The following CHAF1B variants were observed in gnomAD, a reference collection of about 807,000 sequenced individuals.
CHAF1B encodes the protein chromatin assembly factor 1 subunit B, also known as CAF-1 subunit B.
Under a neutral mutation model 60.7 loss-of-function variants are expected in CHAF1B, and 10 were observed. The observed-to-expected ratio is 0.16, with a 90% CI of 0.10 to 0.28. The LOEUF is 0.28. Ranked by LOEUF, CHAF1B falls within the 10% of genes least tolerant of loss-of-function variation. The probability of loss-of-function intolerance (pLI) is 1.00; values close to 1 mark genes in which losing one functional copy is unlikely to be tolerated. For missense variants in CHAF1B, 558 were observed against 708.4 expected (o/e 0.79, Z 2.41); for synonymous variants, 261 against 266.1 (o/e 0.98, Z 0.19).
At chr21:36,401,276 AT>A (rs1281860095) in intron 7 of CHAF1B, among the ~76,000 whole-genome samples, 47 of 147,122 alleles carry the variant, frequency 3.2e-4, no homozygotes, top group African/African-American at 7.4e-4. Flanking sequence ...TCAAAAAAAA[AT>A]ATGTGTATAT....
At chr21:36,396,355 C>A in intron 5 of CHAF1B, among the ~76,000 whole-genome samples, 3 of 90,534 alleles carry the variant, frequency 3.3e-5, no homozygotes, top group Non-Finnish European at 5.9e-5. Context: ...TCACCAAAAA[C>A]CTCAAAAAAA....
chr21:36,404,365 C>A (rs1255112579), intron 8 of CHAF1B, among the ~76,000 whole-genome samples: 1 of 149,314 alleles, frequency 6.7e-6, no homozygotes, highest in Admixed American at 6.7e-5. Context: ...TCCGAAAGTG[C>A]TGGGATTACA....
At position 36,417,241 on chromosome 21, in the gene CHAF1B, T is replaced by TCACACACACATGCACCCA. The variant is rs1487310591; in HGVS notation, c.*887_*904dup. ...CATGTGCCACCATGCCATGCTAATTTCACACACACATGCACCCACACACAC... is the reference window on the plus strand; with the variant it reads ...CATGTGCCACCATGCCATGCTAATTTCACACACACATGCACCCACACACACACATGCACCCACACACAC... On this transcript the variant is annotated 3_prime_UTR_variant, in exon 14 of 14. Transcript: ENST00000314103. 1.3e-5 allele frequency: 2 copies of TCACACACACATGCACCCA among 151,440 alleles called. No individual in the cohort carries two copies. The highest frequency in any genetic ancestry group is 2.9e-5 in the Non-Finnish European group (2 of 67,944). 9.4% of individuals were successfully genotyped at this position (151,440 alleles called of 1,614,324 possible).
chr21:36,403,316 TGTG>T (rs934072552), intron 8 of CHAF1B, among the ~76,000 whole-genome samples: 13 of 151,572 alleles, frequency 8.6e-5, no homozygotes, highest in African/African-American at 3.1e-4. Context: ...AAATTAATGA[TGTG>T]GTGGCGCATA....
intron 8 of CHAF1B, among the ~76,000 whole-genome samples, chr21:36,404,528 G>A (rs753096715): frequency 9.0e-4 from 134 of 148,340 alleles, no homozygotes; most frequent in Non-Finnish European, 1.8e-3. Flanking sequence ...TCCGCCTCCC[G>A]GGTTCAAGCC....
intron 8 of CHAF1B, among the ~76,000 whole-genome samples, chr21:36,404,214 C>G (rs1284207655): frequency 6.6e-6 from 1 of 150,640 alleles, no homozygotes; most frequent in African/African-American, 2.4e-5. Context: ...GATTCTCCTG[C>G]CTCAGCCTCC....
intron 3 of CHAF1B, 132 bp downstream of exon 3, chr21:36,387,862 A>G: frequency 8.8e-7 from 1 of 1,138,340 alleles, no homozygotes; most frequent in Non-Finnish European, 1.2e-6. Context: ...CTTGTTCCCC[A>G]GGCTGGAGTG....
At position 36,417,573 on chromosome 21, in the gene CHAF1B, G is replaced by C. The variant is rs565340948; in HGVS notation, c.*1207G>C. 1.3e-5 allele frequency: 2 copies of C among 152,148 alleles called. No homozygotes were observed. Among genetic ancestry groups the C allele is most frequent in the African/African-American group, 4.8e-5 (2 of 41,514 alleles). The allele number at this position is 152,148 out of a possible 1,614,324, so 9.4% of individuals were successfully genotyped here. A position where few individuals can be genotyped will look rare whatever the true frequency, so the allele number is the denominator to read the frequency against. ...TCTAACTCCTGACCTCAGATGATCT[G>C]CCTGCCTCGGCCTCCCAAAGTGTTG... On this transcript the variant is annotated 3_prime_UTR_variant, in exon 14 of 14. Transcript: ENST00000314103.
At chr21:36,415,482 G>C (rs2086311007) in intron 13 of CHAF1B, 93 bp downstream of exon 13, 7 of 893,568 alleles carry the variant, frequency 7.8e-6, no homozygotes, top group Non-Finnish European at 1.3e-5. Context: ...TTTTAAGTCA[G>C]TTCTGAGACA....
chr21:36,409,300 CAA>C, intron 9 of CHAF1B, 72 bp from the exon 10 acceptor site: 1 of 1,272,904 alleles, frequency 7.9e-7, no homozygotes. Flanking sequence ...CGCGCCCTGC[CAA>C]AATGTTTACC....
chr21:36,411,344 G>A lies in CHAF1B; in HGVS notation c.920-119G>A. 3 of 1,201,636 alleles carry A rather than the reference G, an allele frequency of 2.5e-6. No individual in the cohort carries two copies. The Admixed American group carries it at 6.3e-5, about 25-fold the overall frequency. The allele number at this position is 1,201,636 out of a possible 1,614,324, so 74.4% of individuals were successfully genotyped here. A position where few individuals can be genotyped will look rare whatever the true frequency, so the allele number is the denominator to read the frequency against. The stretch of plus-strand genomic sequence containing the variant: ...GCTTAGGCAGGTCTCAAACTCCTGA[G>A]CTCAAGTGATCCACCCGGCTCGGCC... On this transcript the variant is annotated intron_variant, in intron 10 of 13. Coordinates refer to ENST00000314103, the MANE Select transcript of CHAF1B (RefSeq NM_005441.3).
At position 36,392,390 on chromosome 21, in the gene CHAF1B, C is replaced by T. The variant is rs547265810; in HGVS notation, c.377+722C>T. On this transcript the variant is annotated intron_variant, in intron 4 of 13. Transcript: ENST00000314103. ...TCCCCACATTTCCCCTTTTTCTATT[C>T]GACAAAACCGCCATCGTCATCATGG... Among the ~76,000 whole-genome samples, 7 of 152,312 alleles carry T rather than the reference C, an allele frequency of 4.6e-5. No individual in the cohort carries two copies. In the East Asian group the frequency reaches 9.7e-4, roughly 21 times the overall value.
At chr21:36,389,312 AG>A (rs749920817) in intron 3 of CHAF1B, among the ~76,000 whole-genome samples, 1 of 152,096 alleles carries the variant, frequency 6.6e-6, no homozygotes, top group Non-Finnish European at 1.5e-5. Context: ...ATATGGAAAA[AG>A]TAAACCAGGC....
chr21:36,394,215 TG>T (rs1286789570), intron 4 of CHAF1B, among the ~76,000 whole-genome samples: 1 of 152,136 alleles, frequency 6.6e-6, no homozygotes, highest in African/African-American at 2.4e-5. Context: ...TAGCTGGGTC[TG>T]CAGGTGTGCA....
At chr21:36,409,158 ATTTTT>A (rs1163222508) in intron 9 of CHAF1B, among the ~76,000 whole-genome samples, 1 of 94,658 alleles carries the variant, frequency 1.1e-5, no homozygotes, top group Non-Finnish European at 2.2e-5. Context: ...CCCGGCTTGT[ATTTTT>A]TTTTTTTTTT....
intron 11 of CHAF1B, among the ~76,000 whole-genome samples, chr21:36,412,511 C>G (rs1463637812): frequency 6.6e-6 from 1 of 152,130 alleles, no homozygotes; most frequent in African/African-American, 2.4e-5. Flanking sequence ...AGGCGCCCAC[C>G]ACCATGGCTG....
intron 6 of CHAF1B, 170 bp downstream of exon 6, chr21:36,397,681 A>T: frequency 2.9e-6 from 1 of 340,960 alleles, no homozygotes; most frequent in Non-Finnish European, 5.3e-6. Flanking sequence ...GAAATTAATT[A>T]GGACAAGTGC....
At chr21:36,385,755 C>T (rs1296372515) in intron 1 of CHAF1B, among the ~76,000 whole-genome samples, 2 of 152,086 alleles carry the variant, frequency 1.3e-5, no homozygotes, top group African/African-American at 2.4e-5. Context: ...GGGCCCCTCC[C>T]CGGGCTCTCA....
rs1212152553 is a variant in CHAF1B, at chr21:36,399,505, C to A, written c.579-16C>A. 6.2e-7 allele frequency: 1 copy of A among 1,608,240 alleles called. No homozygotes were observed. Among genetic ancestry groups the A allele is most frequent in the Non-Finnish European group, 8.5e-7 (1 of 1,175,744 alleles). On this transcript the variant is annotated splice_polypyrimidine_tract_variant and intron_variant, in intron 6 of 13. Transcript: ENST00000314103. ...CATTTACTAGAAGTGGTAAATCAGA[C>A]ATGTTCTTTCTTCAGGGTGCTGCGA...
Sources: gnomAD v4.1 joint callset for allele counts (sites outside exome capture counted in the v4.1 genomes callset) on GRCh38, gnomAD v4.1.1 for gene constraint, MANE v1.5 for transcripts, NCBI Gene and HGNC (gene_info 2026-07-23, HGNC 2026-07-21) for gene names.